The following APLP2 variants were observed in gnomAD, a reference collection of about 807,000 sequenced individuals.
APLP2 encodes amyloid beta precursor like protein 2.
In APLP2, 53 loss-of-function variants were observed where a neutral mutation model predicts 89.9. The ratio of observed to expected loss-of-function variants is 0.59; its 90% CI spans 0.47 to 0.74. The LOEUF (loss-of-function observed/expected upper bound fraction) is 0.74, where lower values mean the gene tolerates loss of function less well. Among genes scored for constraint, APLP2 ranks in the 30% least tolerant of loss-of-function variants. The probability of loss-of-function intolerance (pLI) is 0.00; values close to 1 mark genes in which losing one functional copy is unlikely to be tolerated. For missense variants in APLP2, 973 were observed against 975.9 expected, an observed-to-expected ratio of 1.00 and a Z score of 0.04; for synonymous variants, 372 against 348.6, an observed-to-expected ratio of 1.07 and a Z score of -0.75.
chr11:130,089,402 C>T (rs1206447815), intron 1 of APLP2, among the ~76,000 whole-genome samples: 1 of 152,194 alleles, frequency 6.6e-6, no homozygotes, highest in Non-Finnish European at 1.5e-5. Context: ...TCCTCCGTAG[C>T]TGTCGCTCTC....
chr11:130,082,590 A>C (rs1198855792), intron 1 of APLP2: 1 of 154,808 alleles, frequency 6.5e-6, no homozygotes, highest in East Asian at 1.9e-4. Flanking sequence ...TCACAAACAC[A>C]AAACAAATGG....
intron 3 of APLP2, among the ~76,000 whole-genome samples, chr11:130,119,470 G>A (rs571114281): frequency 2.4e-4 from 37 of 152,236 alleles, no homozygotes; most frequent in African/African-American, 8.7e-4. Context: ...TCACCCTCAC[G>A]TACTGGTTGC....
At chr11:130,092,468 C>A (rs1360915846) in intron 1 of APLP2, among the ~76,000 whole-genome samples, 19 of 131,874 alleles carry the variant, frequency 1.4e-4, no homozygotes, top group Non-Finnish European at 2.1e-4. Flanking sequence ...GTCTGCAATC[C>A]CGGCACCTCG....
rs576079416 is a variant in APLP2 at position 130,116,545 on chromosome 11, G to A, written c.404-4161G>A. Among the ~76,000 whole-genome samples, 4 of 152,082 alleles carry A rather than the reference G, an allele frequency of 2.6e-5. No homozygotes were observed. The South Asian group carries it at 6.2e-4, about 24-fold the overall frequency. On this transcript the variant is annotated intron_variant, in intron 3 of 16. Coordinates refer to ENST00000338167, the MANE Select transcript of APLP2 (RefSeq NM_001142276.2). ...CCGTCACCCAGGCTGGAGTGCAGTG[G>A]CGCGATCTTGGCTGACTGCGGCCTT...
At chr11:130,070,626 C>CG in intron 1 of APLP2, 1 of 1,449,426 alleles carries the variant, frequency 6.9e-7, no homozygotes, top group African/African-American at 1.5e-5. Flanking sequence ...CTGCGAGCCC[C>CG]GGGGGAGCTC....
chr11:130,101,354 A>ATTT (rs60974114), intron 1 of APLP2: 14,772 of 142,010 alleles, frequency 0.1, 1,088 homozygotes, highest in African/African-American at 0.21. Context: ...AATTTTTTGT[A>ATTT]TTTTTTTTTT....
rs1235516230 is a variant in APLP2 at position 130,141,901 on chromosome 11, G to T, written c.1999-18G>T. The T allele has an allele frequency of 1.3e-6, 2 of 1,585,696 alleles. No homozygotes were observed. The highest frequency in any genetic ancestry group is 2.7e-5 in the African/African-American group (2 of 74,262). On this transcript the variant is annotated intron_variant, in intron 15 of 16. Coordinates refer to ENST00000338167, the MANE Select transcript of APLP2 (RefSeq NM_001142276.2). The surrounding 1 kb of genome is among the most constrained non-coding windows in gnomAD (Gnocchi z 4.2). ...GATGGTCACTGGGACTTTTTTCCAC[G>T]TCTGCTTTATTACGTAGGAATCCGT...
intron 11 of APLP2, among the ~76,000 whole-genome samples, chr11:130,132,979 CT>C (rs60338624): frequency 0.017 from 2,394 of 140,914 alleles, 19 homozygotes; most frequent in Non-Finnish European, 0.024. Flanking sequence ...AATTAGAGTT[CT>C]TTTTTTTTTT....
rs999326982 is a variant in APLP2 at position 130,141,998 on chromosome 11, T to C, written c.2078T>C (p.Ile693Thr). 3.1e-6 allele frequency: 5 copies of C among 1,613,972 alleles called. No homozygotes were observed. In the African/African-American group the frequency reaches 6.7e-5, roughly 22 times the overall value. The change falls in exon 16 of 17, where the codon ATT becomes ACT. Residue 693 changes from isoleucine to threonine, a missense_variant. Coordinates refer to ENST00000338167, the MANE Select transcript of APLP2 (RefSeq NM_001142276.2). The surrounding 1 kb of genome is among the most constrained non-coding windows in gnomAD (Gnocchi z 4.2). ...LIGLLVIAVA[I>T]ATVIVISLVM... is the part of the protein sequence containing the mutation. The stretch of plus-strand genomic sequence containing the variant: ...GGCCTGCTGGTCATCGCAGTGGCCA[T>C]TGCCACGGTCATCGTCATCAGCCTG...
At chr11:130,127,376 G>A (rs574416750) in intron 8 of APLP2, among the ~76,000 whole-genome samples, 1 of 152,178 alleles carries the variant, frequency 6.6e-6, no homozygotes, top group African/African-American at 2.4e-5. Flanking sequence ...AAAAGGGAAT[G>A]CCTTGCTAGG....
chr11:130,077,015 A>G (rs536566670), intron 1 of APLP2, among the ~76,000 whole-genome samples: 10 of 152,298 alleles, frequency 6.6e-5, no homozygotes, highest in African/African-American at 2.2e-4. Flanking sequence ...ACCTCTTACT[A>G]AAAAGAAAAA....
At chr11:130,074,000 G>A (rs78769797) in intron 1 of APLP2, among the ~76,000 whole-genome samples, 11 of 151,852 alleles carry the variant, frequency 7.2e-5, no homozygotes, top group Non-Finnish European at 1.5e-4. Flanking sequence ...AGTTGCATAC[G>A]TCGTCCCCCA....
At chr11:130,121,123 A>G (rs995477105) in intron 4 of APLP2, among the ~76,000 whole-genome samples, 5 of 152,200 alleles carry the variant, frequency 3.3e-5, no homozygotes, top group African/African-American at 9.7e-5. Flanking sequence ...GCCGGCATGG[A>G]AATCGCCAGT....
intron 1 of APLP2, among the ~76,000 whole-genome samples, chr11:130,089,755 G>A (rs1944633343): frequency 6.6e-6 from 1 of 152,234 alleles, no homozygotes; most frequent in Non-Finnish European, 1.5e-5. Context: ...CTAACAAAGG[G>A]CCTGTTCCAG....
At chr11:130,083,356 G>A (rs922025838) in intron 1 of APLP2, among the ~76,000 whole-genome samples, 1 of 149,036 alleles carries the variant, frequency 6.7e-6, no homozygotes, top group Non-Finnish European at 1.5e-5. Flanking sequence ...TTTTTTTGTG[G>A]TAAGAACACT....
At chr11:130,070,810 A>G in intron 1 of APLP2, 5 of 1,271,328 alleles carry the variant, frequency 3.9e-6, no homozygotes, top group Non-Finnish European at 5.0e-6. Context: ...AGGCGTGTAA[A>G]CTGTTGGAAA....
chr11:130,075,518 G>A (rs1479159923), intron 1 of APLP2, among the ~76,000 whole-genome samples: 3 of 152,244 alleles, frequency 2.0e-5, no homozygotes, highest in East Asian at 1.9e-4. Flanking sequence ...AAACACACTC[G>A]TGTATGATTT....
chr11:130,094,344 T>C (rs1422585149), intron 1 of APLP2, among the ~76,000 whole-genome samples: 1 of 151,968 alleles, frequency 6.6e-6, no homozygotes, highest in Non-Finnish European at 1.5e-5. Context: ...TGAGCCACAG[T>C]GCCTGGCCTA....
chr11:130,110,410 G>T, intron 2 of APLP2, 128 bp from the exon 3 acceptor site: 1 of 1,130,118 alleles, frequency 8.8e-7, no homozygotes, highest in South Asian at 1.5e-5. Flanking sequence ...CAGGGATAAT[G>T]GAGTGGAACT....
Sources: gnomAD v4.1 joint callset for allele counts (sites outside exome capture counted in the v4.1 genomes callset) on GRCh38, gnomAD v4.1.1 for gene constraint, Gnocchi (gnomAD v3.1) non-coding constraint, MANE v1.5 for transcripts, NCBI Gene and HGNC (gene_info 2026-07-23, HGNC 2026-07-21) for gene names.